Variants in LRBA observed in about 807,000 individuals in gnomAD.
The protein encoded by LRBA is LPS responsive beige-like anchor protein, also known as lipopolysaccharide-responsive and beige-like anchor protein.
LRBA carries 176 observed loss-of-function variants against 330.0 expected under a neutral mutation model. That is an observed-to-expected ratio of 0.53 (90% CI 0.47 to 0.60). The LOEUF (loss-of-function observed/expected upper bound fraction) is 0.60, where lower values mean the gene tolerates loss of function less well. LRBA is among the 20% of genes least tolerant of loss of function. LRBA has a pLI of 0.00. For synonymous variants in LRBA, 1,230 were observed against 1,193.0 expected (o/e 1.03, Z -0.64); for missense variants, 3,259 against 3,444.8 (o/e 0.95, Z 1.35).
At chr4:150,378,877 T>C (rs990421417) in intron 47 of LRBA, among the ~76,000 whole-genome samples, 9 of 152,198 alleles carry the variant, frequency 5.9e-5, no homozygotes. Flanking sequence ...ATTCAGAATA[T>C]AAATTCACTA....
chr4:150,868,637 T>C (rs984709394), intron 20 of LRBA, among the ~76,000 whole-genome samples: 5 of 152,190 alleles, frequency 3.3e-5, no homozygotes, highest in Non-Finnish European at 5.9e-5. Context: ...AATAGTAAAG[T>C]TGATCTTAAA....
At chr4:150,554,444 T>C (rs1369300511) in intron 40 of LRBA, among the ~76,000 whole-genome samples, 1 of 152,174 alleles carries the variant, frequency 6.6e-6, no homozygotes, top group Admixed American at 6.5e-5. Context: ...AATAATCTGC[T>C]AGAGAATTAG....
intron 40 of LRBA, among the ~76,000 whole-genome samples, chr4:150,503,669 T>TA (rs1267214863): frequency 1.3e-5 from 2 of 152,060 alleles, no homozygotes; most frequent in South Asian, 4.2e-4. Context: ...CTGGAAACTC[T>TA]AAAAAATCAG....
intron 37 of LRBA, among the ~76,000 whole-genome samples, chr4:150,636,751 G>A (rs113338947): frequency 0.026 from 4,004 of 152,232 alleles, 148 homozygotes; most frequent in African/African-American, 0.087. Flanking sequence ...AGGCTCAAGC[G>A]ATCCTTCTGC....
At chr4:150,346,938 A>T (rs2127039942) in intron 48 of LRBA, among the ~76,000 whole-genome samples, 1 of 152,306 alleles carries the variant, frequency 6.6e-6, no homozygotes, top group East Asian at 1.9e-4. Context: ...ATTGTTCATA[A>T]TAGCCAAAAG....
intron 49 of LRBA, among the ~76,000 whole-genome samples, chr4:150,322,203 A>G (rs568744010): frequency 2.3e-4 from 35 of 152,326 alleles, no homozygotes; most frequent in Non-Finnish European, 3.8e-4. Context: ...GTAATTGAAA[A>G]TGTTAAATGA....
chr4:150,535,028 A>T (rs1764495236), intron 40 of LRBA, among the ~76,000 whole-genome samples: 1 of 152,232 alleles, frequency 6.6e-6, no homozygotes, highest in South Asian at 2.1e-4. Flanking sequence ...TCATTTAAAA[A>T]TATTGTTTAT....
chr4:150,676,593 G>T (rs980757708), intron 37 of LRBA, among the ~76,000 whole-genome samples: 1 of 152,116 alleles, frequency 6.6e-6, no homozygotes, highest in Non-Finnish European at 1.5e-5. Flanking sequence ...AAACTTCAAG[G>T]CTGGGCTAAA....
intron 44 of LRBA, among the ~76,000 whole-genome samples, chr4:150,461,531 G>C (rs1246818023): frequency 1.3e-5 from 2 of 151,706 alleles, no homozygotes; most frequent in African/African-American, 4.8e-5. Context: ...TGGTGCATTA[G>C]TTTCTGCCTC....
intron 28 of LRBA, among the ~76,000 whole-genome samples, chr4:150,843,264 A>G (rs922931237): frequency 3.3e-5 from 5 of 152,190 alleles, no homozygotes; most frequent in African/African-American, 1.2e-4. Flanking sequence ...AAACCTAGTC[A>G]AGAACTAAAG....
chr4:150,854,271 G>T (rs1319073505), intron 22 of LRBA, among the ~76,000 whole-genome samples: 1 of 152,048 alleles, frequency 6.6e-6, no homozygotes, highest in Non-Finnish European at 1.5e-5. Flanking sequence ...CTAAAACTTA[G>T]AAATCTTTTT....
At chr4:150,800,273 T>C (rs1235813050) in intron 33 of LRBA, among the ~76,000 whole-genome samples, 2 of 152,140 alleles carry the variant, frequency 1.3e-5, no homozygotes, top group South Asian at 2.1e-4. Context: ...AGAGTGATGG[T>C]AGATGTATTG....
At chr4:151,010,757 G>A (rs1744734969) in intron 2 of LRBA, among the ~76,000 whole-genome samples, 1 of 152,000 alleles carries the variant, frequency 6.6e-6, no homozygotes, top group Non-Finnish European at 1.5e-5. Flanking sequence ...GGTGGTGCGT[G>A]CCTGTAGATC....
intron 48 of LRBA, among the ~76,000 whole-genome samples, chr4:150,335,237 A>G (rs1734505176): frequency 6.6e-6 from 1 of 151,922 alleles, no homozygotes; most frequent in South Asian, 2.1e-4. Flanking sequence ...GAAGAAAAAA[A>G]CTACTTAAAC....
chr4:151,008,221 C>T (rs1030328626), intron 2 of LRBA, among the ~76,000 whole-genome samples: 1 of 151,842 alleles, frequency 6.6e-6, no homozygotes, highest in Admixed American at 6.6e-5. Context: ...GCTGGGATTA[C>T]AGGCATGCGC....
chr4:150,433,875 A>G (rs901932778), intron 46 of LRBA, among the ~76,000 whole-genome samples: 1 of 152,136 alleles, frequency 6.6e-6, no homozygotes, highest in Admixed American at 6.5e-5. Flanking sequence ...ATTATTTGTG[A>G]GATCAAAAAC....
At chr4:150,925,896 A>T (rs1221487770) in intron 4 of LRBA, among the ~76,000 whole-genome samples, 1 of 152,164 alleles carries the variant, frequency 6.6e-6, no homozygotes, top group African/African-American at 2.4e-5. Context: ...ATAAACAACT[A>T]GAAAAGTGGG....
At chr4:150,692,451 C>T (rs780154889) in intron 36 of LRBA, among the ~76,000 whole-genome samples, 1 of 152,016 alleles carries the variant, frequency 6.6e-6, no homozygotes, top group Non-Finnish European at 1.5e-5. Flanking sequence ...AACTCCTGAG[C>T]GCAAGCAATC....
intron 56 of LRBA, among the ~76,000 whole-genome samples, chr4:150,273,327 G>C (rs1746372280): frequency 6.6e-6 from 1 of 152,136 alleles, no homozygotes; most frequent in Non-Finnish European, 1.5e-5. Flanking sequence ...GACATGGAAA[G>C]GAACAACCGG....
Sources: allele counts gnomAD v4.1 joint callset (sites outside exome capture counted in the v4.1 genomes callset), GRCh38; gene constraint gnomAD v4.1.1; transcripts MANE v1.5; gene names NCBI Gene and HGNC (gene_info 2026-07-23, HGNC 2026-07-21).